Variants in CWH43 observed in about 807,000 individuals in gnomAD.
CWH43 encodes PGAP2-interacting protein.
In CWH43, 91 loss-of-function variants were observed where a neutral mutation model predicts 85.7. The ratio of observed to expected loss-of-function variants is 1.06; its 90% CI spans 0.90 to 1.26. CWH43 has a LOEUF of 1.26. CWH43 is among the 50% of genes most tolerant of loss of function. CWH43 has a pLI of 0.00. For synonymous variants in CWH43, 323 were observed against 293.6 expected, an observed-to-expected ratio of 1.10 and a Z score of -1.02; for missense variants, 869 against 839.2, an observed-to-expected ratio of 1.04 and a Z score of -0.44.
At chr4:49,003,577 G>A (rs1021032321) in intron 6 of CWH43, 158 bp from the exon 7 acceptor site, 6 of 696,512 alleles carry the variant, frequency 8.6e-6, no homozygotes, top group East Asian at 2.5e-5. Flanking sequence ...TGTGACATTA[G>A]GCAAATCACA....
chr4:49,015,682 A>C (rs941345211), intron 8 of CWH43, among the ~76,000 whole-genome samples: 8 of 151,856 alleles, frequency 5.3e-5, no homozygotes, highest in African/African-American at 1.9e-4. Context: ...TATGTGTTGG[A>C]CTTTCTTATT....
intron 7 of CWH43, 62 bp downstream of exon 7, chr4:49,004,054 C>A (rs1416881971): frequency 1.2e-4 from 172 of 1,422,880 alleles, no homozygotes; most frequent in Non-Finnish European, 1.6e-4. Flanking sequence ...ATGGACTGAC[C>A]AGGATTTAGC....
chr4:49,004,369 G>T (rs541444773), intron 7 of CWH43, among the ~76,000 whole-genome samples: 1 of 152,262 alleles, frequency 6.6e-6, no homozygotes, highest in East Asian at 1.9e-4. Context: ...AAATATACAT[G>T]GGGATTGTGA....
intron 13 of CWH43, among the ~76,000 whole-genome samples, chr4:49,040,037 T>C (rs1270528571): frequency 6.6e-6 from 1 of 152,146 alleles, no homozygotes; most frequent in African/African-American, 2.4e-5. Flanking sequence ...AGAATGATGG[T>C]TTCCAGTTTC....
At chr4:49,061,174 G>A (rs1389950857) in intron 15 of CWH43, among the ~76,000 whole-genome samples, 1 of 152,146 alleles carries the variant, frequency 6.6e-6, no homozygotes, top group Non-Finnish European at 1.5e-5. Flanking sequence ...AGCTCTAGAA[G>A]TGAAATAGCA....
intron 10 of CWH43, 59 bp downstream of exon 10, chr4:49,028,793 T>C: frequency 8.8e-7 from 1 of 1,132,712 alleles, no homozygotes. Context: ...ACTTTTATTT[T>C]CAGCAGGGTC....
At chr4:49,048,437 G>T (rs1189953072) in intron 14 of CWH43, among the ~76,000 whole-genome samples, 1 of 151,464 alleles carries the variant, frequency 6.6e-6, no homozygotes, top group Non-Finnish European at 1.5e-5. Flanking sequence ...ATTTATTTAT[G>T]TATGAATTTA....
intron 15 of CWH43, among the ~76,000 whole-genome samples, chr4:49,051,149 A>C (rs1784784644): frequency 6.6e-6 from 1 of 152,126 alleles, no homozygotes; most frequent in African/African-American, 2.4e-5. Flanking sequence ...CTAGTATTTG[A>C]ATGCTCCTAT....
chr4:49,056,555 CT>C (rs773029586), intron 15 of CWH43, among the ~76,000 whole-genome samples: 6 of 151,956 alleles, frequency 3.9e-5, no homozygotes, highest in Non-Finnish European at 7.4e-5. Context: ...TTGATTTTCT[CT>C]TTTTTTCTTA....
Position 48,991,457 on chromosome 4 carries a change from G to C in CWH43, c.239G>C (p.Ser80Thr). ...GCTCTCCCTATTTTGTTTGTAGGCA[G>C]CATAGCCTCCTTCCAGGCTCCAAAT... ...LTLLRIITIG[S>T]IASFQAPNAK... The change falls in exon 3 of 16, where the codon AGC becomes ACC. Residue 80 changes from serine (S) to threonine (T), a missense_variant. Transcript: ENST00000226432. The C allele has an allele frequency of 6.2e-7, 1 of 1,614,016 alleles. No individual in the cohort carries two copies.
rs755970382 is a variant in CWH43 at position 49,003,732 on chromosome 4, C to T, written c.803-3C>T. The T allele has an allele frequency of 2.5e-6, 4 of 1,613,424 alleles. No homozygotes were observed. The South Asian group carries it at 3.3e-5, about 13-fold the overall frequency. On this transcript the variant is annotated splice_region_variant and splice_polypyrimidine_tract_variant and intron_variant, in intron 6 of 15. Coordinates refer to ENST00000226432, the MANE Select transcript of CWH43 (RefSeq NM_025087.3). ...GTCTGATTCTTTTCTCTCTCACAAACAGGAACAGCTTCAGCTGCGGGGCTC... is the reference window on the plus strand; with the variant it reads ...GTCTGATTCTTTTCTCTCTCACAAATAGGAACAGCTTCAGCTGCGGGGCTC...
intron 5 of CWH43, among the ~76,000 whole-genome samples, chr4:48,996,076 G>A (rs910992353): frequency 4.0e-5 from 6 of 151,272 alleles, no homozygotes; most frequent in African/African-American, 9.7e-5. Flanking sequence ...CACCTGAGTC[G>A]AACCCACTTG....
intron 13 of CWH43, 84 bp from the exon 14 acceptor site, chr4:49,044,702 C>T (rs1028154254): frequency 1.0e-6 from 1 of 984,228 alleles, no homozygotes; most frequent in Non-Finnish European, 1.6e-6. Context: ...AGATATTTAT[C>T]ATGTAGCTCA....
At chr4:49,057,018 G>T (rs558996215) in intron 15 of CWH43, among the ~76,000 whole-genome samples, 1 of 152,170 alleles carries the variant, frequency 6.6e-6, no homozygotes, top group Non-Finnish European at 1.5e-5. Context: ...TACTCAAAAT[G>T]ATTTCAGTAT....
At chr4:49,026,167 C>A (rs1207514969) in intron 9 of CWH43, among the ~76,000 whole-genome samples, 1 of 152,210 alleles carries the variant, frequency 6.6e-6, no homozygotes, top group Non-Finnish European at 1.5e-5. Flanking sequence ...AGCTCTCATG[C>A]AACCCACAGC....
chr4:49,006,661 A>G (rs1783166723), intron 7 of CWH43, among the ~76,000 whole-genome samples: 1 of 152,154 alleles, frequency 6.6e-6, no homozygotes, highest in South Asian at 2.1e-4. Flanking sequence ...AGTTTGTTGC[A>G]TATCCCAATT....
chr4:48,988,896 G>T (rs1782571953), intron 2 of CWH43, among the ~76,000 whole-genome samples: 2 of 152,142 alleles, frequency 1.3e-5, no homozygotes, highest in African/African-American at 4.8e-5. Flanking sequence ...AAAAATCACT[G>T]CAATGAGTAG....
At chr4:49,036,588 C>T (rs1326723269) in intron 12 of CWH43, among the ~76,000 whole-genome samples, 1 of 152,210 alleles carries the variant, frequency 6.6e-6, no homozygotes, top group Non-Finnish European at 1.5e-5. Context: ...CCCCTTAACA[C>T]TCATGTATTA....
intron 12 of CWH43, among the ~76,000 whole-genome samples, chr4:49,037,017 T>G (rs1338360346): frequency 6.6e-6 from 1 of 152,184 alleles, no homozygotes; most frequent in African/African-American, 2.4e-5. Flanking sequence ...AATCTCTGAT[T>G]GCCTCATTGA....
Sources: gnomAD v4.1 joint callset for allele counts (sites outside exome capture counted in the v4.1 genomes callset) on GRCh38, gnomAD v4.1.1 for gene constraint, MANE v1.5 for transcripts, NCBI Gene and HGNC (gene_info 2026-07-23, HGNC 2026-07-21) for gene names.